Variants in HPGD observed in about 807,000 individuals in gnomAD.
HPGD encodes the protein 15-hydroxyprostaglandin dehydrogenase [NAD(+)].
A neutral mutation model predicts 30.0 loss-of-function variants in HPGD; 29 were observed. That is an observed-to-expected ratio of 0.97 (90% confidence interval 0.72 to 1.32). The LOEUF (loss-of-function observed/expected upper bound fraction) is 1.32. Ranked by LOEUF, HPGD falls within the 40% of genes most tolerant of loss-of-function variation. The probability of loss-of-function intolerance (pLI) is 0.00; values close to 1 mark genes in which losing one functional copy is unlikely to be tolerated. For missense variants in HPGD, 340 were observed against 322.1 expected (o/e 1.06, Z -0.43); for synonymous variants, 99 against 112.4 (o/e 0.88, Z 0.75).
At chr4:174,501,913 A>C (rs1026266581) in intron 4 of HPGD, among the ~76,000 whole-genome samples, 7 of 152,164 alleles carry the variant, frequency 4.6e-5, no homozygotes, top group African/African-American at 1.4e-4. Context: ...ATTTTTTTGC[A>C]AAAACAGAAA....
chr4:174,506,882 T>C (rs1735217670), intron 4 of HPGD: 2 of 152,186 alleles, frequency 1.3e-5, no homozygotes, highest in South Asian at 4.1e-4. Context: ...GTGCCTCCAG[T>C]GACATAAAGG....
At chr4:174,512,201 T>C (rs922772750) in intron 3 of HPGD, among the ~76,000 whole-genome samples, 1 of 152,152 alleles carries the variant, frequency 6.6e-6, no homozygotes, top group East Asian at 1.9e-4. Flanking sequence ...AAGTGAATAC[T>C]CTCATGTATG....
upstream of HPGD, chr4:174,522,725 C>A (rs1736230416): frequency 7.3e-6 from 3 of 410,892 alleles, no homozygotes; most frequent in Non-Finnish European, 4.3e-6. Context: ...CCGTGATTGG[C>A]AGGCAGCTGA....
intron 4 of HPGD, among the ~76,000 whole-genome samples, chr4:174,497,568 C>CCTTTTTTTTTTTT: frequency 2.0e-5 from 1 of 51,116 alleles, no homozygotes; most frequent in Non-Finnish European, 4.1e-5. Flanking sequence ...CTTTTTCTTT[C>CCTTTTTTTTTTTT]TTTTTTTTTT....
chr4:174,498,362 A>G (rs890957881), intron 4 of HPGD, among the ~76,000 whole-genome samples: 4 of 152,150 alleles, frequency 2.6e-5, no homozygotes, highest in Admixed American at 2.0e-4. Flanking sequence ...TTGACATACA[A>G]TAAAACTGCA....
At chr4:174,512,905 C>G (rs942371092) in intron 3 of HPGD, among the ~76,000 whole-genome samples, 6 of 152,128 alleles carry the variant, frequency 3.9e-5, no homozygotes, top group African/African-American at 1.4e-4. Context: ...TCCTATTTGC[C>G]CATGATATTG....
intron 4 of HPGD, among the ~76,000 whole-genome samples, chr4:174,497,381 AG>A (rs1734648133): frequency 6.6e-6 from 1 of 152,256 alleles, no homozygotes; most frequent in South Asian, 2.1e-4. Context: ...TAATAAGCAA[AG>A]ACAACATACA....
chr4:174,495,817 G>A, intron 4 of HPGD, 193 bp from the exon 5 acceptor site: 3 of 600,758 alleles, frequency 5.0e-6, no homozygotes, highest in Non-Finnish European at 9.0e-6. Flanking sequence ...CATGACCCGT[G>A]TCGTCCAGAA....
chr4:174,507,858 G>T, intron 4 of HPGD: 3 of 446,642 alleles, frequency 6.7e-6, no homozygotes, highest in Admixed American at 6.9e-5. Context: ...TATAGTTTAG[G>T]ATTGCATGCT....
chr4:174,519,321 C>T (rs900112587), intron 2 of HPGD, among the ~76,000 whole-genome samples: 8 of 151,808 alleles, frequency 5.3e-5, no homozygotes, highest in African/African-American at 1.9e-4. Flanking sequence ...TCACGCCATT[C>T]TCCTGCCTCA....
chr4:174,514,112 C>T (rs1735651347), intron 3 of HPGD, among the ~76,000 whole-genome samples: 1 of 151,830 alleles, frequency 6.6e-6, no homozygotes, highest in South Asian at 2.1e-4. Context: ...TACAGAAGCA[C>T]AAATACTAAA....
At chr4:174,504,684 G>A (rs2110816818) in intron 4 of HPGD, among the ~76,000 whole-genome samples, 1 of 151,794 alleles carries the variant, frequency 6.6e-6, no homozygotes, top group South Asian at 2.1e-4. Context: ...GTGGTGGTGT[G>A]CACCTGTAAT....
At chr4:174,502,078 G>A (rs537336609) in intron 4 of HPGD, among the ~76,000 whole-genome samples, 2 of 152,242 alleles carry the variant, frequency 1.3e-5, no homozygotes, top group South Asian at 4.1e-4. Context: ...ATGATAACCT[G>A]GAGTTCTGTA....
chr4:174,495,944 A>G (rs1414869090), intron 4 of HPGD: 3 of 301,226 alleles, frequency 1.0e-5, no homozygotes, highest in Non-Finnish European at 1.9e-5. Flanking sequence ...AAAGAAAATC[A>G]TCTTTAAAGT....
At chr4:174,508,266 G>A (rs902935109) in intron 4 of HPGD, 1 of 630,578 alleles carries the variant, frequency 1.6e-6, no homozygotes, top group African/African-American at 1.8e-5. Context: ...TTATTTATTA[G>A]TTTAACATAT....
chr4:174,497,055 A>G (rs1734632912), intron 4 of HPGD, among the ~76,000 whole-genome samples: 1 of 152,242 alleles, frequency 6.6e-6, no homozygotes, highest in Non-Finnish European at 1.5e-5. Flanking sequence ...GATAAAGGGA[A>G]TAAAAAAGTA....
intron 2 of HPGD, among the ~76,000 whole-genome samples, 195 bp from the exon 3 acceptor site, chr4:174,518,272 G>A (rs1351155771): frequency 1.3e-5 from 2 of 152,116 alleles, no homozygotes; most frequent in Non-Finnish European, 2.9e-5. Context: ...CTGGCAGCTT[G>A]GTAAGAATGC....
At chr4:174,504,095 T>C (rs563516958) in intron 4 of HPGD, among the ~76,000 whole-genome samples, 4 of 152,212 alleles carry the variant, frequency 2.6e-5, no homozygotes, top group Non-Finnish European at 5.9e-5. Flanking sequence ...GACACTGATA[T>C]ACAGCTCTTG....
At chr4:174,493,362 C>T in intron 5 of HPGD, 48 bp from the exon 6 acceptor site, 1 of 1,567,860 alleles carries the variant, frequency 6.4e-7, no homozygotes, top group South Asian at 1.1e-5. Context: ...AAACATATAG[C>T]ACAGGACAAA....
Sources: gnomAD v4.1 joint callset for allele counts (sites outside exome capture counted in the v4.1 genomes callset) on GRCh38, gnomAD v4.1.1 for gene constraint, MANE v1.5 for transcripts, NCBI Gene and HGNC (gene_info 2026-07-23, HGNC 2026-07-21) for gene names.